NTM: variants seen among roughly 807,000 people sequenced by gnomAD.
NTM encodes IgLON family member 2.
In NTM, 13 loss-of-function variants were observed where a neutral mutation model predicts 42.1. The ratio of observed to expected loss-of-function variants is 0.31; its 90% CI spans 0.20 to 0.49. NTM has a LOEUF of 0.49. Ranked by LOEUF, NTM falls within the 20% of genes least tolerant of loss-of-function variation. The pLI, the probability that NTM is intolerant of heterozygous loss-of-function variation, is 0.99. For missense variants in NTM, 373 were observed against 452.8 expected, an observed-to-expected ratio of 0.82 and a Z score of 1.60; for synonymous variants, 187 against 179.2, an observed-to-expected ratio of 1.04 and a Z score of -0.35.
chr11:132,247,217 G>C (rs1459483448), intron 4 of NTM, among the ~76,000 whole-genome samples: 1 of 152,218 alleles, frequency 6.6e-6, no homozygotes, highest in African/African-American at 2.4e-5. Context: ...GCTCACAGAA[G>C]AGACAGGGAG....
chr11:131,528,122 G>A (rs2050760223), intron 1 of NTM, among the ~76,000 whole-genome samples: 1 of 152,196 alleles, frequency 6.6e-6, no homozygotes, highest in Non-Finnish European at 1.5e-5. Flanking sequence ...CAGATAAGGT[G>A]TAACTTTCAC....
chr11:131,783,712 T>A (rs1396790932), intron 1 of NTM, among the ~76,000 whole-genome samples: 2 of 152,112 alleles, frequency 1.3e-5, no homozygotes, highest in African/African-American at 4.8e-5. Flanking sequence ...AGAAAATATG[T>A]GTTGGCCTTG....
At chr11:131,432,910 G>A (rs903704398) in intron 1 of NTM, among the ~76,000 whole-genome samples, 31 of 131,924 alleles carry the variant, frequency 2.3e-4, no homozygotes, top group African/African-American at 8.1e-4. Flanking sequence ...GCTGGAGTGC[G>A]GTGGCGCGAT....
At chr11:131,584,743 C>T (rs567632901) in intron 1 of NTM, among the ~76,000 whole-genome samples, 5 of 152,202 alleles carry the variant, frequency 3.3e-5, no homozygotes, top group East Asian at 1.9e-4. Context: ...CTGGACGGAG[C>T]CATTTCACTC....
At chr11:131,489,578 A>G (rs989732880) in intron 1 of NTM, among the ~76,000 whole-genome samples, 1 of 152,218 alleles carries the variant, frequency 6.6e-6, no homozygotes, top group Non-Finnish European at 1.5e-5. Flanking sequence ...TTAAGAAGGT[A>G]TCCTTCAGCC....
At chr11:131,394,087 C>G (rs981024134) in intron 1 of NTM, among the ~76,000 whole-genome samples, 3 of 152,196 alleles carry the variant, frequency 2.0e-5, no homozygotes, top group African/African-American at 7.2e-5. Context: ...ACCGGAGAAG[C>G]AGGTCTTTCA....
chr11:132,185,678 A>C (rs2078280229), intron 3 of NTM, among the ~76,000 whole-genome samples: 1 of 152,138 alleles, frequency 6.6e-6, no homozygotes, highest in Non-Finnish European at 1.5e-5. Context: ...TGGTCATTTC[A>C]TAATAATTTT....
rs149044240 is a variant in NTM at position 131,793,325 on chromosome 11, G to C, written c.83-118239G>C. Among the ~76,000 whole-genome samples, 258 of 152,270 alleles carry C rather than the reference G, an allele frequency of 1.7e-3. 3 individuals carry two copies. Among genetic ancestry groups the C allele is most frequent in the Admixed American group, 0.014 (220 of 15,298 alleles). On this transcript the variant is annotated intron_variant, in intron 1 of 8. Coordinates refer to ENST00000683400, the MANE Select transcript of NTM (RefSeq NM_001352005.2). ...GTCTGTTGAACTTTGTGAGGTGAAA[G>C]ACCATCTCTGTCTTTTTGTACCCTA...
At chr11:132,138,102 A>G (rs1420400053) in intron 2 of NTM, among the ~76,000 whole-genome samples, 1 of 151,922 alleles carries the variant, frequency 6.6e-6, no homozygotes, top group Non-Finnish European at 1.5e-5. Context: ...GCTCTTTCCA[A>G]CCTTGGCAGC....
intron 1 of NTM, among the ~76,000 whole-genome samples, chr11:131,665,392 A>C (rs2068862224): frequency 6.6e-6 from 1 of 152,220 alleles, no homozygotes; most frequent in Non-Finnish European, 1.5e-5. Context: ...GGTCTTTCCA[A>C]AATTTACATG....
intron 4 of NTM, among the ~76,000 whole-genome samples, chr11:132,230,866 A>T (rs925070476): frequency 3.9e-4 from 60 of 152,102 alleles, no homozygotes; most frequent in African/African-American, 1.3e-3. Context: ...CTACAAAAAA[A>T]TTTTTTAATC....
intron 1 of NTM, among the ~76,000 whole-genome samples, chr11:131,719,330 A>G (rs931404223): frequency 2.0e-5 from 3 of 152,170 alleles, no homozygotes; most frequent in South Asian, 2.1e-4. Flanking sequence ...TCTTGAATAT[A>G]TAAGAAATTG....
chr11:131,423,036 T>A (rs1591624929), intron 1 of NTM, among the ~76,000 whole-genome samples: 1 of 152,348 alleles, frequency 6.6e-6, no homozygotes, highest in East Asian at 1.9e-4. Context: ...ACACAAAGTG[T>A]GGTGCCAGGA....
intron 1 of NTM, among the ~76,000 whole-genome samples, chr11:131,578,316 T>G (rs1027231878): frequency 6.6e-6 from 1 of 152,202 alleles, no homozygotes; most frequent in Non-Finnish European, 1.5e-5. Context: ...TTATGTCATA[T>G]CTGATGTCAG....
chr11:131,679,651 A>G (rs1222552545), intron 1 of NTM, among the ~76,000 whole-genome samples: 2 of 151,328 alleles, frequency 1.3e-5, no homozygotes, highest in African/African-American at 2.4e-5. Flanking sequence ...TGGCTTCTAG[A>G]TAACTAGTGC....
At chr11:132,286,931 T>A (rs1391769694) in intron 4 of NTM, among the ~76,000 whole-genome samples, 1 of 152,246 alleles carries the variant, frequency 6.6e-6, no homozygotes, top group Non-Finnish European at 1.5e-5. Context: ...AAGATGCTTT[T>A]CTTCTTTGGT....
intron 2 of NTM, among the ~76,000 whole-genome samples, chr11:132,042,591 C>T (rs183381059): frequency 6.6e-6 from 1 of 152,278 alleles, no homozygotes; most frequent in East Asian, 1.9e-4. Context: ...CCATTGTCTG[C>T]CTCCAAGAAG....
At chr11:132,000,269 C>T (rs2068935136) in intron 2 of NTM, among the ~76,000 whole-genome samples, 1 of 152,242 alleles carries the variant, frequency 6.6e-6, no homozygotes, top group Non-Finnish European at 1.5e-5. Flanking sequence ...AAGATAGGCA[C>T]ATATCTGACA....
At chr11:131,445,700 T>A (rs998502918) in intron 1 of NTM, among the ~76,000 whole-genome samples, 1 of 152,208 alleles carries the variant, frequency 6.6e-6, no homozygotes, top group Non-Finnish European at 1.5e-5. Context: ...CTGGCAAGCA[T>A]TCACAATTCC....
Sources: allele counts gnomAD v4.1 joint callset (sites outside exome capture counted in the v4.1 genomes callset), GRCh38; gene constraint gnomAD v4.1.1; transcripts MANE v1.5; gene names NCBI Gene and HGNC (gene_info 2026-07-23, HGNC 2026-07-21).